The following ADAM20 variants were observed in gnomAD, a reference collection of about 807,000 sequenced individuals.
ADAM20 encodes the protein disintegrin and metalloproteinase domain-containing protein 20.
For missense variants in ADAM20, 871 were observed against 883.2 expected (o/e 0.99, Z 0.18); for synonymous variants, 305 against 310.2 (o/e 0.98, Z 0.18).
At chr14:70,529,068 G>A (rs1194362306) in intron 1 of ADAM20, among the ~76,000 whole-genome samples, 1 of 152,124 alleles carries the variant, frequency 6.6e-6, no homozygotes, top group Non-Finnish European at 1.5e-5. Context: ...GGGAGAAATA[G>A]ATAGCAACAC....
chr14:70,555,058 G>A, the ADAM20 span, among the ~76,000 whole-genome samples: 2,492 of 152,286 alleles, frequency 0.016, 45 homozygotes, highest in African/African-American at 0.04. Flanking sequence ...TACGGTGTAC[G>A]CCCGATGGAG....
the ADAM20 span, among the ~76,000 whole-genome samples, chr14:70,546,435 C>A: frequency 6.6e-6 from 1 of 152,142 alleles, no homozygotes; most frequent in African/African-American, 2.4e-5. Flanking sequence ...AGATTGATTC[C>A]ATCCAGAAAG....
chr14:70,564,438 T>C, the ADAM20 span, among the ~76,000 whole-genome samples: 3 of 148,124 alleles, frequency 2.0e-5, no homozygotes, highest in Non-Finnish European at 4.4e-5. Context: ...TATACTGTTC[T>C]GCAACACAGG....
chr14:70,529,108 T>C (rs561563709), intron 1 of ADAM20, among the ~76,000 whole-genome samples: 4 of 152,232 alleles, frequency 2.6e-5, no homozygotes, highest in African/African-American at 9.6e-5. Flanking sequence ...GATACCCTAT[T>C]TTCAATAATG....
chr14:70,558,764 AAACAAAC>A, the ADAM20 span, among the ~76,000 whole-genome samples: 1 of 152,148 alleles, frequency 6.6e-6, no homozygotes, highest in African/African-American at 2.4e-5. Context: ...TTTGCCAAAT[AAACAAAC>A]AACAAACAAA....
the ADAM20 span, among the ~76,000 whole-genome samples, chr14:70,554,578 AAAG>A: frequency 2.0e-5 from 3 of 152,216 alleles, no homozygotes; most frequent in Non-Finnish European, 4.4e-5. Context: ...CAGCCTTAAC[AAAG>A]AAGAATATCC....
chr14:70,568,685 T>C, the ADAM20 span, among the ~76,000 whole-genome samples: 5 of 151,988 alleles, frequency 3.3e-5, no homozygotes, highest in Non-Finnish European at 5.9e-5. Flanking sequence ...AAAAAACAAA[T>C]AGAACTTCTG....
At chr14:70,535,923 A>G (rs999530956), upstream of ADAM20, among the ~76,000 whole-genome samples, 1 of 152,252 alleles carries the variant, frequency 6.6e-6, no homozygotes, top group Admixed American at 6.5e-5. Flanking sequence ...AGAGATATAA[A>G]AGGATAAATA....
intron 1 of ADAM20, among the ~76,000 whole-genome samples, chr14:70,533,681 T>C (rs1883764758): frequency 1.3e-5 from 2 of 151,984 alleles, no homozygotes; most frequent in East Asian, 1.9e-4. Context: ...GATGGGTTGA[T>C]GGGTGCAGCA....
chr14:70,578,393 G>C, the ADAM20 span, among the ~76,000 whole-genome samples: 1 of 152,018 alleles, frequency 6.6e-6, no homozygotes, highest in Non-Finnish European at 1.5e-5. Context: ...AAAGATCCTA[G>C]AAGAAAATCT....
At chr14:70,568,281 C>T in the ADAM20 span, among the ~76,000 whole-genome samples, 1 of 152,186 alleles carries the variant, frequency 6.6e-6, no homozygotes, top group Non-Finnish European at 1.5e-5. Flanking sequence ...TACCCATATA[C>T]AGCCTTGGCC....
At chr14:70,546,751 T>C in the ADAM20 span, among the ~76,000 whole-genome samples, 1 of 151,508 alleles carries the variant, frequency 6.6e-6, no homozygotes. Flanking sequence ...CTTAAAGAAC[T>C]AGAAAAGCAA....
At position 70,523,347 on chromosome 14, in the gene ADAM20, C is replaced by T. The variant is rs746283662; in HGVS notation, c.1411G>A (p.Glu471Lys). The change falls in exon 2 of 2, where the codon GAA becomes AAA. Residue 471 changes from glutamate to lysine, a missense_variant. Transcript: ENST00000256389. ...SGTLCRQQVG[E>K]CDLPEWCNGT... ...TTGCACCACTCTGGAAGGTCACATT[C>T]ACCAACTTGTTGTCTACATAAAGTT... 6.2e-7 allele frequency: 1 copy of T among 1,614,064 alleles called. No individual in the cohort carries two copies. Among genetic ancestry groups the T allele is most frequent in the South Asian group, 1.1e-5 (1 of 91,076 alleles).
the ADAM20 span, among the ~76,000 whole-genome samples, chr14:70,578,809 T>A: frequency 2.6e-5 from 4 of 152,112 alleles, no homozygotes; most frequent in Non-Finnish European, 5.9e-5. Flanking sequence ...GGGAACATAG[T>A]ACTTGATAAG....
the ADAM20 span, among the ~76,000 whole-genome samples, chr14:70,540,453 T>A: frequency 6.6e-6 from 1 of 152,216 alleles, no homozygotes; most frequent in Non-Finnish European, 1.5e-5. Flanking sequence ...ACAGTAAGAT[T>A]AGAAATGTCT....
At chr14:70,546,804 G>C in the ADAM20 span, among the ~76,000 whole-genome samples, 1 of 151,774 alleles carries the variant, frequency 6.6e-6, no homozygotes, top group Non-Finnish European at 1.5e-5. Flanking sequence ...AAATAACAAA[G>C]ATCAGAGCAA....
At chr14:70,559,084 TC>T in the ADAM20 span, among the ~76,000 whole-genome samples, 1 of 152,186 alleles carries the variant, frequency 6.6e-6, no homozygotes, top group East Asian at 1.9e-4. Flanking sequence ...GCCTGGGACT[TC>T]TGTAAAACCT....
At chr14:70,537,059 C>T (rs889085466), upstream of ADAM20, among the ~76,000 whole-genome samples, 1 of 151,970 alleles carries the variant, frequency 6.6e-6, no homozygotes, top group Non-Finnish European at 1.5e-5. Flanking sequence ...TTACTTCTTA[C>T]ATTTGGTGCT....
the ADAM20 span, among the ~76,000 whole-genome samples, chr14:70,545,643 G>A: frequency 6.6e-6 from 1 of 151,964 alleles, no homozygotes; most frequent in Non-Finnish European, 1.5e-5. Flanking sequence ...ATGATAAAGG[G>A]GTCAATTCAT....
Sources: allele counts gnomAD v4.1 joint callset (sites outside exome capture counted in the v4.1 genomes callset), GRCh38; gene constraint gnomAD v4.1.1; transcripts MANE v1.5; gene names NCBI Gene and HGNC (gene_info 2026-07-23, HGNC 2026-07-21).